The following MALRD1 variants were observed in gnomAD, a reference collection of about 807,000 sequenced individuals.
MALRD1 encodes MAM and LDL-receptor class A domain-containing protein 1.
Under a neutral mutation model 242.1 loss-of-function variants are expected in MALRD1, and 247 were observed. The ratio of observed to expected loss-of-function variants is 1.02; its 90% CI spans 0.92 to 1.13. The LOEUF is 1.13. Among genes scored for constraint, MALRD1 ranks in the 50% most tolerant of loss-of-function variants. The pLI, the probability that MALRD1 is intolerant of heterozygous loss-of-function variation, is 0.00. For missense variants in MALRD1, 2,989 were observed against 2,533.1 expected (o/e 1.18, Z -3.86); for synonymous variants, 995 against 866.6 (o/e 1.15, Z -2.60).
intron 29 of MALRD1, among the ~76,000 whole-genome samples, chr10:19,471,781 A>C (rs1380818871): frequency 2.6e-5 from 4 of 151,712 alleles, no homozygotes; most frequent in Non-Finnish European, 5.9e-5. Flanking sequence ...GCATCCTGCA[A>C]CTTTACAAAA....
At chr10:19,116,300 T>C (rs901496892) in intron 5 of MALRD1, among the ~76,000 whole-genome samples, 36 of 152,368 alleles carry the variant, frequency 2.4e-4, no homozygotes, top group African/African-American at 8.4e-4. Flanking sequence ...ATTTTTAGAT[T>C]GGTTTTTCAG....
intron 26 of MALRD1, among the ~76,000 whole-genome samples, chr10:19,369,742 A>G (rs1217144467): frequency 6.6e-6 from 1 of 151,616 alleles, no homozygotes; most frequent in Non-Finnish European, 1.5e-5. Context: ...TCCTCTATGG[A>G]GTATCTGTTA....
At chr10:19,054,836 T>A (rs11008305) in intron 1 of MALRD1, among the ~76,000 whole-genome samples, 1,965 of 152,326 alleles carry the variant, frequency 0.013, 33 homozygotes, top group African/African-American at 0.037. Context: ...ATCTTGGCGA[T>A]TGTGAATAGT....
chr10:19,249,848 G>C (rs944161149), intron 18 of MALRD1, among the ~76,000 whole-genome samples: 2 of 151,760 alleles, frequency 1.3e-5, no homozygotes, highest in African/African-American at 4.8e-5. Context: ...GTTAGTTAAG[G>C]TTTAAGTCGA....
chr10:19,175,102 G>C (rs774150106), intron 13 of MALRD1, 106 bp from the exon 14 acceptor site: 42 of 789,980 alleles, frequency 5.3e-5, no homozygotes, highest in East Asian at 4.0e-4. Context: ...AATTAGATTG[G>C]AGAATGGGAC....
intron 31 of MALRD1, among the ~76,000 whole-genome samples, chr10:19,517,933 A>C (rs1253548033): frequency 6.6e-6 from 1 of 152,218 alleles, no homozygotes; most frequent in Non-Finnish European, 1.5e-5. Flanking sequence ...TAAATTTAGC[A>C]GAGTTTATTT....
At chr10:19,539,855 TGCG>T (rs1564425275) in intron 32 of MALRD1, among the ~76,000 whole-genome samples, 11,413 of 87,282 alleles carry the variant, frequency 0.13, 1,034 homozygotes, top group East Asian at 0.36. Flanking sequence ...CCCAGCTTTG[TGCG>T]TGTGTGTGTG....
chr10:19,637,346 A>T (rs999763907), intron 36 of MALRD1, among the ~76,000 whole-genome samples: 1 of 152,222 alleles, frequency 6.6e-6, no homozygotes, highest in Non-Finnish European at 1.5e-5. Context: ...AAGACTTGAG[A>T]TAATGATGGT....
intron 26 of MALRD1, among the ~76,000 whole-genome samples, chr10:19,383,048 A>T (rs1380929810): frequency 6.6e-6 from 1 of 152,214 alleles, no homozygotes; most frequent in Non-Finnish European, 1.5e-5. Context: ...AAAGAATAGT[A>T]TGAACAACTC....
intron 13 of MALRD1, among the ~76,000 whole-genome samples, chr10:19,172,222 T>C (rs1191287530): frequency 6.7e-6 from 1 of 149,396 alleles, no homozygotes; most frequent in Non-Finnish European, 1.5e-5. Flanking sequence ...TGTATATGTA[T>C]ATATCAGTTT....
intron 32 of MALRD1, among the ~76,000 whole-genome samples, chr10:19,561,390 T>C (rs1192127583): frequency 6.6e-6 from 1 of 152,220 alleles, no homozygotes; most frequent in African/African-American, 2.4e-5. Flanking sequence ...TTTGCTGCCC[T>C]CTGATCTGCC....
At chr10:19,336,222 T>C (rs1843605846) in intron 24 of MALRD1, among the ~76,000 whole-genome samples, 1 of 152,208 alleles carries the variant, frequency 6.6e-6, no homozygotes, top group African/African-American at 2.4e-5. Flanking sequence ...AAAATCTTAT[T>C]TGAACATAAT....
intron 21 of MALRD1, among the ~76,000 whole-genome samples, chr10:19,320,108 G>A (rs1009541105): frequency 7.5e-6 from 1 of 132,656 alleles, no homozygotes; most frequent in Non-Finnish European, 1.5e-5. Flanking sequence ...GAATGTGCAG[G>A]TTTGTTACAT....
chr10:19,685,205 T>G (rs1842532108), intron 36 of MALRD1, among the ~76,000 whole-genome samples: 1 of 152,234 alleles, frequency 6.6e-6, no homozygotes, highest in Admixed American at 6.5e-5. Flanking sequence ...AAGCAATTTT[T>G]TCATGCTCTC....
chr10:19,059,553 A>AT (rs899369272), intron 1 of MALRD1, among the ~76,000 whole-genome samples: 1 of 151,862 alleles, frequency 6.6e-6, no homozygotes, highest in Non-Finnish European at 1.5e-5. Context: ...TACGCATCTA[A>AT]TTTTTTTGTA....
Position 19,123,346 on chromosome 10 carries a change from A to G in MALRD1, c.695-146A>G, listed in dbSNP as rs141815919. ...GTGTGAGAGAGAGAGAGAGAAAGAG[A>G]TAGGGTTACCTAAAGGGTGATGATA... is the stretch of plus-strand genomic sequence containing the variant. On this transcript the variant is annotated intron_variant, in intron 5 of 39. Coordinates refer to ENST00000454679, the MANE Select transcript of MALRD1 (RefSeq NM_001142308.3). The G allele has an allele frequency of 1.8e-5, 7 of 392,872 alleles. No homozygotes were observed. The East Asian group carries it at 2.5e-4, about 14-fold the overall frequency. 24.3% of individuals were successfully genotyped at this position (392,872 alleles called of 1,614,324 possible). A position where few individuals can be genotyped will look rare whatever the true frequency, so the allele number is the denominator to read the frequency against.
At chr10:19,344,360 T>C (rs771932233) in intron 24 of MALRD1, among the ~76,000 whole-genome samples, 2 of 152,104 alleles carry the variant, frequency 1.3e-5, no homozygotes, top group South Asian at 2.1e-4. Flanking sequence ...ACAGTTTCTT[T>C]ATTTTTATGT....
intron 36 of MALRD1, among the ~76,000 whole-genome samples, chr10:19,690,905 C>T (rs1318504707): frequency 1.3e-5 from 2 of 151,952 alleles, no homozygotes; most frequent in African/African-American, 4.8e-5. Context: ...TAATCCAAGA[C>T]AGTTTTCCAC....
At chr10:19,493,741 AG>A in intron 30 of MALRD1, among the ~76,000 whole-genome samples, 1 of 151,934 alleles carries the variant, frequency 6.6e-6, no homozygotes, top group Non-Finnish European at 1.5e-5. Flanking sequence ...TGAACCTGGG[AG>A]GTGGAGGTTG....
Sources: allele counts gnomAD v4.1 joint callset (sites outside exome capture counted in the v4.1 genomes callset), GRCh38; gene constraint gnomAD v4.1.1; transcripts MANE v1.5; gene names NCBI Gene and HGNC (gene_info 2026-07-23, HGNC 2026-07-21).